Variants in CFAP92 observed in about 807,000 individuals in gnomAD.
CFAP92 encodes the protein uncharacterized protein CFAP92.
In CFAP92, 86 loss-of-function variants were observed where a neutral mutation model predicts 106.3. The observed-to-expected ratio is 0.81, with a 90% CI of 0.68 to 0.97. CFAP92 has a LOEUF of 0.97. CFAP92 is among the 50% of genes least tolerant of loss of function. The probability of loss-of-function intolerance (pLI) is 0.00; values close to 1 mark genes in which losing one functional copy is unlikely to be tolerated. For synonymous variants in CFAP92, 477 were observed against 506.4 expected (o/e 0.94, Z 0.78); for missense variants, 1,204 against 1,283.8 (o/e 0.94, Z 0.95).
chr3:128,960,965 G>A (rs534744145), intron 9 of CFAP92, among the ~76,000 whole-genome samples: 77 of 152,300 alleles, frequency 5.1e-4, no homozygotes, highest in African/African-American at 1.8e-3. Context: ...TCTTTTCTCT[G>A]GGTTTGCTTC....
At chr3:129,025,131 T>G in the CFAP92 span, among the ~76,000 whole-genome samples, 2 of 152,164 alleles carry the variant, frequency 1.3e-5, no homozygotes, top group African/African-American at 4.8e-5. Context: ...GAACTGGATC[T>G]GAGCCCGAGG....
chr3:128,947,549 C>G (rs1307919123), intron 9 of CFAP92, among the ~76,000 whole-genome samples: 1 of 152,220 alleles, frequency 6.6e-6, no homozygotes, highest in Non-Finnish European at 1.5e-5. Context: ...AGGACAGACA[C>G]AGACCCACGG....
At chr3:128,953,267 G>A (rs1490769213) in intron 9 of CFAP92, among the ~76,000 whole-genome samples, 2 of 152,098 alleles carry the variant, frequency 1.3e-5, no homozygotes, top group Middle Eastern at 3.2e-3. Flanking sequence ...TGTAATCCCA[G>A]CACTTTGGGA....
At chr3:128,953,430 G>A (rs1374480489) in intron 9 of CFAP92, among the ~76,000 whole-genome samples, 1 of 152,124 alleles carries the variant, frequency 6.6e-6, no homozygotes, top group Non-Finnish European at 1.5e-5. Context: ...GAGGAGAATG[G>A]CATGAACCCA....
At chr3:128,994,612 C>G (rs900381), upstream of CFAP92, among the ~76,000 whole-genome samples, 104,322 of 152,196 alleles carry the variant, frequency 0.69, 37,333 homozygotes, top group African/African-American at 0.91. Context: ...ACTCAGAGAT[C>G]AGAAAACAAA....
At chr3:128,984,930 A>G (rs979369011) in intron 4 of CFAP92, among the ~76,000 whole-genome samples, 2 of 152,224 alleles carry the variant, frequency 1.3e-5, no homozygotes, top group African/African-American at 4.8e-5. Context: ...TACGTGAGAA[A>G]AGGCAGGACT....
At chr3:128,928,788 G>T (rs773992673) in intron 12 of CFAP92, among the ~76,000 whole-genome samples, 44 of 151,550 alleles carry the variant, frequency 2.9e-4, no homozygotes, top group Non-Finnish European at 5.6e-4. Context: ...ACATAAATTG[G>T]AATTTATTAA....
chr3:128,991,910 T>C, intron 2 of CFAP92: 1 of 983,978 alleles, frequency 1.0e-6, no homozygotes, highest in Non-Finnish European at 1.2e-6. Flanking sequence ...CCTCCCCTCA[T>C]ATTGGGCTGG....
At chr3:128,946,038 T>G (rs182160150) in intron 9 of CFAP92, 63 bp from the exon 10 acceptor site, 1 of 1,245,968 alleles carries the variant, frequency 8.0e-7, no homozygotes, top group South Asian at 1.9e-5. Flanking sequence ...AGCCCCAGCA[T>G]GAGGAGCTCA....
At chr3:128,983,026 A>G (rs965611246) in intron 4 of CFAP92, among the ~76,000 whole-genome samples, 26 of 152,218 alleles carry the variant, frequency 1.7e-4, no homozygotes, top group African/African-American at 6.0e-4. Flanking sequence ...GAGGTTGAAA[A>G]AACGGCGTCA....
rs753212116 is a variant in CFAP92 at position 128,971,327 on chromosome 3, G to T, written c.1128C>A (p.Ser376Arg). ...TGACGGCCAGCTGGATGGAGAAAGC[G>T]CTCTGCTTCCTGGGGCCTGTCAGCG... is the stretch of plus-strand genomic sequence containing the variant. ...DPTLTGPRKQSAFSIQLAVMP... is the reference protein window; with the variant it reads ...DPTLTGPRKQRAFSIQLAVMP... Residue 376 changes from serine to arginine, a missense_variant, in exon 8 of 16, where the codon AGC (serine) becomes AGA (arginine). By Grantham distance (110) the Ser-to-Arg change is moderately radical. Transcript: ENST00000645291. 2 of 1,613,488 alleles carry T rather than the reference G, an allele frequency of 1.2e-6. No individual in the cohort carries two copies. The highest frequency in any genetic ancestry group is 1.7e-6 in the Non-Finnish European group (2 of 1,179,756).
At chr3:128,963,448 C>A (rs1484082747) in intron 9 of CFAP92, among the ~76,000 whole-genome samples, 3 of 152,172 alleles carry the variant, frequency 2.0e-5, no homozygotes, top group Non-Finnish European at 4.4e-5. Context: ...TTCCTCATAC[C>A]TGACGCATAT....
the CFAP92 span, among the ~76,000 whole-genome samples, chr3:129,024,816 T>C: frequency 6.6e-6 from 1 of 152,236 alleles, no homozygotes; most frequent in African/African-American, 2.4e-5. Flanking sequence ...GGGGATTAGG[T>C]TTCCAACACG....
Position 128,910,858 on chromosome 3 carries a change from G to T in CFAP92, c.3281-525C>A, listed in dbSNP as rs1282110700. 4.4e-6 allele frequency: 7 copies of T among 1,600,508 alleles called. No homozygotes were observed. The African/African-American group carries it at 8.0e-5, about 18-fold the overall frequency. On this transcript the variant is annotated intron_variant, in intron 15 of 15. Transcript: ENST00000645291. ...GGAGGGAAGGAAGGGCCCACTTCTAGGCCCCTATTGATGGTGAGCTGTTTC... is the reference window on the plus strand; with the variant it reads ...GGAGGGAAGGAAGGGCCCACTTCTATGCCCCTATTGATGGTGAGCTGTTTC...
At chr3:129,007,045 G>A (rs1390628872), upstream of CFAP92, among the ~76,000 whole-genome samples, 2 of 152,212 alleles carry the variant, frequency 1.3e-5, no homozygotes, top group Admixed American at 6.5e-5. Context: ...ACCAAGACCA[G>A]AGAGGAAGCA....
chr3:128,926,558 C>G (rs144769519), intron 12 of CFAP92, among the ~76,000 whole-genome samples: 269 of 152,270 alleles, frequency 1.8e-3, no homozygotes, highest in African/African-American at 6.0e-3. Context: ...CTCACCACTC[C>G]TCTTCAACAC....
Position 128,988,161 on chromosome 3 carries a change from GCA to G in CFAP92, c.454-334_454-333del, listed in dbSNP as rs1245529188. On this transcript the variant is annotated intron_variant, in intron 3 of 15. Coordinates refer to ENST00000645291, the MANE Select transcript of CFAP92 (RefSeq NM_001394090.1). ...TACACACACATGCACACACACGTCT[GCA>G]CACATGCACACACACAGAAAAAAGA... 5.3e-5 allele frequency among the ~76,000 whole-genome samples: 8 copies of G among 152,162 alleles called. No homozygotes were observed. In the East Asian group the frequency reaches 1.5e-3, roughly 29 times the overall value.
upstream of CFAP92, among the ~76,000 whole-genome samples, chr3:129,004,256 CAT>C (rs1307824779): frequency 6.6e-6 from 1 of 152,184 alleles, no homozygotes; most frequent in African/African-American, 2.4e-5. Flanking sequence ...AAGTCTGCTC[CAT>C]TGCTTGCTCT....
At position 128,971,345 on chromosome 3, in the gene CFAP92, T is replaced by C. The variant is rs745938402; in HGVS notation, c.1110A>G (p.Thr370=). The C allele has an allele frequency of 5.0e-6, 8 of 1,613,598 alleles. No homozygotes were observed. The highest frequency in any genetic ancestry group is 6.8e-6 in the Non-Finnish European group (8 of 1,179,724). The change falls in exon 8 of 16, where the codon ACA becomes ACG. Residue 370 remains threonine (T), a synonymous_variant. Coordinates refer to ENST00000645291, the MANE Select transcript of CFAP92 (RefSeq NM_001394090.1). ...AGAAAGCGCTCTGCTTCCTGGGGCC[T>C]GTCAGCGTGGGGTCTGCCTCTTCTT... The part of the protein sequence containing the change: ...LAEEEADPTL[T]GPRKQSAFSI...
Sources: gnomAD v4.1 joint callset for allele counts (sites outside exome capture counted in the v4.1 genomes callset) on GRCh38, gnomAD v4.1.1 for gene constraint, MANE v1.5 for transcripts, NCBI Gene and HGNC (gene_info 2026-07-23, HGNC 2026-07-21) for gene names.